Variants in ADAM22 observed in about 807,000 individuals in gnomAD.
ADAM22 encodes ADAM metallopeptidase domain 22, also known as disintegrin and metalloproteinase domain-containing protein 22.
In ADAM22, 65 loss-of-function variants were observed where a neutral mutation model predicts 144.6. That is an observed-to-expected ratio of 0.45 (90% CI 0.37 to 0.55). The LOEUF is 0.55. ADAM22 is among the 20% of genes least tolerant of loss of function. ADAM22 has a pLI of 0.00. For missense variants in ADAM22, 974 were observed against 1,184.9 expected, an observed-to-expected ratio of 0.82 and a Z score of 2.61; for synonymous variants, 391 against 412.6, an observed-to-expected ratio of 0.95 and a Z score of 0.63.
chr7:88,024,599 G>A (rs564259167), intron 3 of ADAM22, among the ~76,000 whole-genome samples: 1 of 151,544 alleles, frequency 6.6e-6, no homozygotes, highest in African/African-American at 2.4e-5. Context: ...TGTGCACAAC[G>A]TGCAGGCTTG....
At chr7:88,071,391 ATTT>A (rs71297113) in intron 3 of ADAM22, among the ~76,000 whole-genome samples, 17 of 126,014 alleles carry the variant, frequency 1.3e-4, no homozygotes, top group East Asian at 2.3e-4. Context: ...TTATGAAGTG[ATTT>A]TTTTTTTTTT....
chr7:88,168,398 A>T, intron 25 of ADAM22, 171 bp downstream of exon 25: 1 of 692,524 alleles, frequency 1.4e-6, no homozygotes, highest in Non-Finnish European at 2.6e-6. Context: ...AAGTGATAAT[A>T]ACATCATTTT....
chr7:88,087,335 T>A (rs1818699080), intron 4 of ADAM22, among the ~76,000 whole-genome samples: 1 of 152,222 alleles, frequency 6.6e-6, no homozygotes, highest in Admixed American at 6.5e-5. Context: ...ATCAAGACCC[T>A]TTAGGCATTT....
chr7:87,967,931 C>A (rs1289755949), intron 2 of ADAM22, among the ~76,000 whole-genome samples: 3 of 148,884 alleles, frequency 2.0e-5, no homozygotes, highest in Non-Finnish European at 3.0e-5. Context: ...ATTTCTTTTT[C>A]TTCCTTTTGT....
At chr7:88,111,439 A>G (rs1051572612) in intron 5 of ADAM22, among the ~76,000 whole-genome samples, 3 of 152,100 alleles carry the variant, frequency 2.0e-5, no homozygotes, top group African/African-American at 7.2e-5. Flanking sequence ...AGATTCGTAT[A>G]TCTTTCCCAT....
At chr7:88,127,085 CAT>C (rs1421620495) in intron 8 of ADAM22, among the ~76,000 whole-genome samples, 4 of 151,060 alleles carry the variant, frequency 2.6e-5, no homozygotes, top group Non-Finnish European at 5.9e-5. Flanking sequence ...CATATATAAA[CAT>C]ATGTGTGTGT....
At chr7:88,120,670 G>T (rs1829065470) in intron 7 of ADAM22, among the ~76,000 whole-genome samples, 1 of 152,124 alleles carries the variant, frequency 6.6e-6, no homozygotes, top group Non-Finnish European at 1.5e-5. Context: ...ACATATTCTA[G>T]ATAGAAGGCC....
intron 2 of ADAM22, among the ~76,000 whole-genome samples, chr7:87,937,405 T>A (rs769335325): frequency 6.6e-6 from 1 of 152,184 alleles, no homozygotes. Flanking sequence ...TTGTAGCCAG[T>A]GCTTTAAAAC....
chr7:88,125,344 G>T (rs536362288), intron 7 of ADAM22, among the ~76,000 whole-genome samples: 1 of 151,898 alleles, frequency 6.6e-6, no homozygotes, highest in African/African-American at 2.4e-5. Context: ...ATTTATAAGA[G>T]AAATATGAAA....
intron 3 of ADAM22, among the ~76,000 whole-genome samples, chr7:87,982,062 T>TACACACACACACAC (rs1255207602): frequency 8.3e-5 from 9 of 108,858 alleles, no homozygotes; most frequent in African/African-American, 3.5e-4. Flanking sequence ...TATATATATA[T>TACACACACACACAC]ATATATACAC....
rs370999063 is a variant in ADAM22 at position 88,029,824 on chromosome 7, C to T, written c.324-45802C>T. Among the ~76,000 whole-genome samples the T allele has an allele frequency of 4.6e-5, 7 of 151,998 alleles. No homozygotes were observed. In the East Asian group the frequency reaches 7.7e-4, roughly 17 times the overall value. ...ACTCTCTTCTAGCCTATAAGATTTC[C>T]ATGGAAAAATCTGCTGCCAGGCATA... is the stretch of plus-strand genomic sequence containing the variant. On this transcript the variant is annotated intron_variant, in intron 3 of 31. Transcript: ENST00000413139.
In ADAM22 at chr7:88,182,611, G is replaced by T. The variant is rs190549149; in HGVS notation, c.2663+587G>T. Among the ~76,000 whole-genome samples the T allele has an allele frequency of 7.1e-3, 1,076 of 152,088 alleles. 2 individuals are homozygous for T. Among genetic ancestry groups the T allele is most frequent in the Admixed American group, 0.018 (282 of 15,274 alleles). ...ATTGTCACTAAATGCAACATTATCC[G>T]TTTTAAATGATAGCCATGCATTTAC... On this transcript the variant is annotated intron_variant, in intron 29 of 31. Coordinates refer to ENST00000413139, the MANE Select transcript of ADAM22 (RefSeq NM_001324418.2).
intron 30 of ADAM22, 112 bp downstream of exon 30, chr7:88,186,813 G>C (rs1297624538): frequency 4.5e-6 from 3 of 670,142 alleles, no homozygotes; most frequent in Non-Finnish European, 7.6e-6. Context: ...CCTATAGGTG[G>C]AAAGGGGTCC....
At chr7:88,120,452 G>A (rs1829001775) in intron 7 of ADAM22, among the ~76,000 whole-genome samples, 1 of 151,728 alleles carries the variant, frequency 6.6e-6, no homozygotes, top group South Asian at 2.1e-4. Context: ...TTATATTTGT[G>A]TCAGCACTCT....
At chr7:88,083,074 A>C (rs1220404897) in intron 4 of ADAM22, among the ~76,000 whole-genome samples, 1 of 152,240 alleles carries the variant, frequency 6.6e-6, no homozygotes, top group Admixed American at 6.5e-5. Context: ...AATAGCAAAG[A>C]GTTGGAACCA....
intron 4 of ADAM22, among the ~76,000 whole-genome samples, chr7:88,077,196 A>T (rs972139048): frequency 1.3e-5 from 2 of 152,168 alleles, no homozygotes; most frequent in African/African-American, 4.8e-5. Context: ...AAAGCTTTTT[A>T]TTTAAACTGT....
At chr7:88,117,227 C>T (rs1827986378) in intron 7 of ADAM22, among the ~76,000 whole-genome samples, 1 of 152,098 alleles carries the variant, frequency 6.6e-6, no homozygotes, top group African/African-American at 2.4e-5. Context: ...TATGGGTTAA[C>T]TTTTATTATC....
At position 88,050,297 on chromosome 7, in the gene ADAM22, G is replaced by A. The variant is rs143955793; in HGVS notation, c.324-25329G>A. Among the ~76,000 whole-genome samples the A allele has an allele frequency of 5.9e-3, 886 of 151,136 alleles. 29 individuals are homozygous for A. Among genetic ancestry groups the A allele is most frequent in the Admixed American group, 0.055 (828 of 15,182 alleles). On this transcript the variant is annotated intron_variant, in intron 3 of 31. Coordinates refer to ENST00000413139, the MANE Select transcript of ADAM22 (RefSeq NM_001324418.2). ...AGTCCCAGCTCCTCAGAAAACTGAG[G>A]CAGTAGGATCACTTGAGCCCAGGAG...
chr7:88,055,094 C>T (rs1045278792), intron 3 of ADAM22, among the ~76,000 whole-genome samples: 1 of 151,688 alleles, frequency 6.6e-6, no homozygotes, highest in African/African-American at 2.4e-5. Flanking sequence ...TCTTCAAACT[C>T]AACAAATATC....
Sources: gnomAD v4.1 joint callset for allele counts (sites outside exome capture counted in the v4.1 genomes callset) on GRCh38, gnomAD v4.1.1 for gene constraint, MANE v1.5 for transcripts, NCBI Gene and HGNC (gene_info 2026-07-23, HGNC 2026-07-21) for gene names.